ADGRB3: variants seen among roughly 807,000 people sequenced by gnomAD.
The protein encoded by ADGRB3 is adhesion G protein-coupled receptor B3.
In ADGRB3, 37 loss-of-function variants were observed where a neutral mutation model predicts 193.4. The ratio of observed to expected loss-of-function variants is 0.19; its 90% CI spans 0.15 to 0.25. The LOEUF (loss-of-function observed/expected upper bound fraction) is 0.25. Among genes scored for constraint, ADGRB3 ranks in the 10% least tolerant of loss-of-function variants. ADGRB3 has a pLI of 1.00. For missense variants in ADGRB3, 1,637 were observed against 1,852.9 expected (o/e 0.88, Z 2.14); for synonymous variants, 690 against 644.2 (o/e 1.07, Z -1.08).
chr6:69,062,508 G>T, intron 15 of ADGRB3, among the ~76,000 whole-genome samples: 1 of 151,360 alleles, frequency 6.6e-6, no homozygotes. Flanking sequence ...ATGTGTTTTG[G>T]GATAATCCAT....
At chr6:68,985,737 T>A (rs1769051182) in intron 10 of ADGRB3, among the ~76,000 whole-genome samples, 1 of 152,202 alleles carries the variant, frequency 6.6e-6, no homozygotes, top group South Asian at 2.1e-4. Context: ...TTTCAGGTAC[T>A]GAGATTTTGA....
At chr6:68,735,688 C>A (rs1249294545) in intron 3 of ADGRB3, among the ~76,000 whole-genome samples, 1 of 151,926 alleles carries the variant, frequency 6.6e-6, no homozygotes, top group African/African-American at 2.4e-5. Flanking sequence ...TGTCTTTTTA[C>A]CATGCTTGTG....
intron 3 of ADGRB3, among the ~76,000 whole-genome samples, chr6:68,729,289 CT>C (rs1765728592): frequency 6.6e-6 from 1 of 151,504 alleles, no homozygotes; most frequent in South Asian, 2.1e-4. Context: ...AGAAATACCC[CT>C]GGATAAGTAG....
At chr6:69,378,508 C>T (rs1769876949) in intron 30 of ADGRB3, among the ~76,000 whole-genome samples, 2 of 151,926 alleles carry the variant, frequency 1.3e-5, no homozygotes, top group Admixed American at 6.6e-5. Flanking sequence ...GGCTTTACCT[C>T]CCAGGGTTAT....
intron 3 of ADGRB3, among the ~76,000 whole-genome samples, chr6:68,795,876 G>A (rs1333190089): frequency 6.6e-6 from 1 of 152,014 alleles, no homozygotes; most frequent in Non-Finnish European, 1.5e-5. Flanking sequence ...TTTAAAATCT[G>A]TCTATGAGCT....
chr6:68,832,328 A>G (rs1767971086), intron 3 of ADGRB3, among the ~76,000 whole-genome samples: 1 of 152,142 alleles, frequency 6.6e-6, no homozygotes, highest in African/African-American at 2.4e-5. Flanking sequence ...TTTAAAAAGT[A>G]TGTCATAGTC....
Position 68,892,742 on chromosome 6 carries a change from C to T in ADGRB3, c.758-37817C>T, listed in dbSNP as rs1016864699. On this transcript the variant is annotated intron_variant, in intron 3 of 31. Transcript: ENST00000370598. ...TTTCCATAAGCAAGTTTGTTGTTAT[C>T]AGTATATTTCGGCAAAAAAACACTC... is the stretch of plus-strand genomic sequence containing the variant. Among the ~76,000 whole-genome samples, 63 of 151,932 alleles carry T rather than the reference C, an allele frequency of 4.1e-4. 1 individual carries two copies. Among genetic ancestry groups the T allele is most frequent in the Admixed American group, 6.6e-5 (1 of 15,216 alleles).
chr6:69,341,964 C>T (rs1406300408), intron 26 of ADGRB3, among the ~76,000 whole-genome samples: 2 of 152,100 alleles, frequency 1.3e-5, no homozygotes, highest in African/African-American at 4.8e-5. Flanking sequence ...TAGTTTTAAG[C>T]TATCATCAAA....
chr6:69,057,978 C>T (rs1771595807), intron 15 of ADGRB3, among the ~76,000 whole-genome samples: 1 of 151,750 alleles, frequency 6.6e-6, no homozygotes, highest in African/African-American at 2.4e-5. Flanking sequence ...GTGCTCTCTG[C>T]TTTAATTTTT....
intron 3 of ADGRB3, among the ~76,000 whole-genome samples, chr6:68,792,684 G>A (rs1434176826): frequency 2.6e-5 from 4 of 152,110 alleles, no homozygotes; most frequent in Non-Finnish European, 4.4e-5. Context: ...AATCCTATTT[G>A]TAAAAACCAG....
At chr6:68,951,550 C>CA (rs1158374928) in intron 6 of ADGRB3, among the ~76,000 whole-genome samples, 2 of 152,136 alleles carry the variant, frequency 1.3e-5, no homozygotes, top group African/African-American at 4.8e-5. Flanking sequence ...CGCAGTTGAG[C>CA]AATGCCAATC....
chr6:68,821,750 A>G (rs1767751476), intron 3 of ADGRB3, among the ~76,000 whole-genome samples: 1 of 151,800 alleles, frequency 6.6e-6, no homozygotes, highest in Non-Finnish European at 1.5e-5. Context: ...TTCTATTTAA[A>G]CTTTTGTGGT....
At chr6:68,780,318 T>G (rs1766829355) in intron 3 of ADGRB3, among the ~76,000 whole-genome samples, 2 of 152,074 alleles carry the variant, frequency 1.3e-5, no homozygotes, top group South Asian at 4.1e-4. Flanking sequence ...ATAGATACGT[T>G]GTTTGTTATT....
At chr6:69,305,342 G>A (rs1210952358) in intron 20 of ADGRB3, among the ~76,000 whole-genome samples, 1 of 151,468 alleles carries the variant, frequency 6.6e-6, no homozygotes. Flanking sequence ...TACTCACAGT[G>A]ATTATTATTG....
At chr6:69,031,571 C>CTTTCT (rs1337493560) in intron 13 of ADGRB3, among the ~76,000 whole-genome samples, 4 of 106,848 alleles carry the variant, frequency 3.7e-5, no homozygotes, top group Non-Finnish European at 5.8e-5. Context: ...TTCTTTTCTT[C>CTTTCT]CTCTGTCTCT....
chr6:69,363,361 A>G (rs759661760), intron 29 of ADGRB3, among the ~76,000 whole-genome samples: 1 of 152,016 alleles, frequency 6.6e-6, no homozygotes, highest in Non-Finnish European at 1.5e-5. Context: ...ATTTTATGAG[A>G]TAGCAGAAAG....
At chr6:69,296,063 T>C (rs1322073140) in intron 20 of ADGRB3, among the ~76,000 whole-genome samples, 1 of 152,190 alleles carries the variant, frequency 6.6e-6, no homozygotes, top group African/African-American at 2.4e-5. Flanking sequence ...TCTGTGGAGT[T>C]ATGTTATCCT....
intron 8 of ADGRB3, among the ~76,000 whole-genome samples, chr6:68,971,502 C>G (rs1483821717): frequency 6.6e-6 from 1 of 152,182 alleles, no homozygotes; most frequent in Non-Finnish European, 1.5e-5. Flanking sequence ...TAAGTGGACC[C>G]ATGCAGCTCA....
chr6:69,093,100 A>G (rs1772762865), intron 17 of ADGRB3, among the ~76,000 whole-genome samples: 1 of 150,802 alleles, frequency 6.6e-6, no homozygotes, highest in Non-Finnish European at 1.5e-5. Context: ...TGGTTCAAGG[A>G]AGAGCGGGGT....
Sources: allele counts gnomAD v4.1 joint callset (sites outside exome capture counted in the v4.1 genomes callset), GRCh38; gene constraint gnomAD v4.1.1; transcripts MANE v1.5; gene names NCBI Gene and HGNC (gene_info 2026-07-23, HGNC 2026-07-21).